The following NBEA variants were observed in gnomAD, a reference collection of about 807,000 sequenced individuals.
The protein encoded by NBEA is lysosomal-trafficking regulator 2.
Under a neutral mutation model 343.4 loss-of-function variants are expected in NBEA, and 44 were observed. That is an observed-to-expected ratio of 0.13 (90% CI 0.10 to 0.16). The LOEUF (loss-of-function observed/expected upper bound fraction) is 0.16. Among genes scored for constraint, NBEA ranks in the 10% least tolerant of loss-of-function variants. NBEA has a pLI of 1.00. For synonymous variants in NBEA, 1,175 were observed against 1,238.7 expected, an observed-to-expected ratio of 0.95 and a Z score of 1.08; for missense variants, 2,555 against 3,631.3, an observed-to-expected ratio of 0.70 and a Z score of 7.62.
rs2032251900 is a variant in NBEA, at chr13:35,253,750, T to G, written c.5776+21131T>G. ...ATTGGTTTCAGCAGAGACCATGTAGTTCACAAAGCCTAAAATATTTACTAT... is the reference window on the plus strand; with the variant it reads ...ATTGGTTTCAGCAGAGACCATGTAGGTCACAAAGCCTAAAATATTTACTAT... On this transcript the variant is annotated intron_variant, in intron 34 of 58. Coordinates refer to ENST00000379939, the MANE Select transcript of NBEA (RefSeq NM_001385012.1). Among the ~76,000 whole-genome samples the G allele has an allele frequency of 2.0e-5, 3 of 152,162 alleles. No homozygotes were observed. The South Asian group carries it at 6.2e-4, about 31-fold the overall frequency.
At chr13:35,143,487 G>C (rs953729003) in intron 18 of NBEA, among the ~76,000 whole-genome samples, 1 of 152,104 alleles carries the variant, frequency 6.6e-6, no homozygotes, top group Non-Finnish European at 1.5e-5. Flanking sequence ...AGATTATTTT[G>C]TTATAGATTT....
At chr13:35,541,248 C>T (rs1051042583) in intron 41 of NBEA, among the ~76,000 whole-genome samples, 5 of 151,500 alleles carry the variant, frequency 3.3e-5, no homozygotes, top group African/African-American at 1.2e-4. Flanking sequence ...GTTGTTCCTT[C>T]TGCTTGGTAC....
At chr13:35,401,143 A>G (rs2042985814) in intron 38 of NBEA, among the ~76,000 whole-genome samples, 1 of 151,998 alleles carries the variant, frequency 6.6e-6, no homozygotes, top group African/African-American at 2.4e-5. Context: ...ACTCCTTACT[A>G]ATATTTATTG....
In NBEA at chr13:35,048,505, T is replaced by C. The variant is rs143077972; in HGVS notation, c.724-58T>C. 2,405 of 1,510,006 alleles carry C rather than the reference T, an allele frequency of 1.6e-3. 5 individuals carry two copies. Among genetic ancestry groups the C allele is most frequent in the Admixed American group, 2.2e-3 (109 of 49,056 alleles). 93.5% of individuals were successfully genotyped at this position (1,510,006 alleles called of 1,614,324 possible). On this transcript the variant is annotated intron_variant, in intron 4 of 58. Coordinates refer to ENST00000379939, the MANE Select transcript of NBEA (RefSeq NM_001385012.1). ...AATCTGCAAAAGCCATATTTGACCT[T>C]AGCTACTATCACATTTCTTTAACTG...
chr13:35,465,087 G>C (rs998474452), intron 40 of NBEA, among the ~76,000 whole-genome samples: 1 of 151,840 alleles, frequency 6.6e-6, no homozygotes, highest in African/African-American at 2.4e-5. Context: ...ACTCTCATTG[G>C]TTTTCAGTAT....
chr13:35,634,225 C>T (rs2153069096), intron 49 of NBEA, among the ~76,000 whole-genome samples: 1 of 152,200 alleles, frequency 6.6e-6, no homozygotes, highest in South Asian at 2.1e-4. Context: ...CACCTGTAGT[C>T]CCAGCTACTC....
At chr13:35,443,294 G>A (rs2045838512) in intron 39 of NBEA, among the ~76,000 whole-genome samples, 1 of 152,130 alleles carries the variant, frequency 6.6e-6, no homozygotes, top group African/African-American at 2.4e-5. Context: ...TGACTTTTAT[G>A]TAATATAGTC....
At chr13:34,954,942 C>T (rs1005872428) in intron 1 of NBEA, among the ~76,000 whole-genome samples, 1 of 152,092 alleles carries the variant, frequency 6.6e-6, no homozygotes, top group Non-Finnish European at 1.5e-5. Context: ...ACTGTAAATA[C>T]ATGGTTTATA....
intron 30 of NBEA, among the ~76,000 whole-genome samples, chr13:35,184,548 T>C (rs1260706439): frequency 2.0e-5 from 3 of 151,720 alleles, no homozygotes; most frequent in South Asian, 4.1e-4. Flanking sequence ...CAACAAAAAT[T>C]ATTAAACATG....
intron 36 of NBEA, among the ~76,000 whole-genome samples, chr13:35,319,792 A>G (rs1406675958): frequency 6.6e-6 from 1 of 152,114 alleles, no homozygotes; most frequent in Admixed American, 6.5e-5. Flanking sequence ...GGGTGCATAT[A>G]TGTTTAGGAT....
chr13:35,270,233 C>T (rs2152803856), intron 34 of NBEA, among the ~76,000 whole-genome samples: 1 of 152,274 alleles, frequency 6.6e-6, no homozygotes, highest in South Asian at 2.1e-4. Context: ...AAATTATACT[C>T]TTTTGTCATA....
At chr13:35,374,521 T>C (rs2244940) in intron 38 of NBEA, among the ~76,000 whole-genome samples, 44,323 of 152,036 alleles carry the variant, frequency 0.29, 8,314 homozygotes, top group African/African-American at 0.54. Flanking sequence ...AATACAGTTA[T>C]CTGTGAAGTA....
chr13:35,358,666 C>G (rs888075193), intron 38 of NBEA, among the ~76,000 whole-genome samples: 1 of 151,442 alleles, frequency 6.6e-6, no homozygotes, highest in African/African-American at 2.4e-5. Flanking sequence ...TGCAGTGAGC[C>G]GAGATTGTGC....
At chr13:35,553,418 G>T (rs1357662303) in intron 43 of NBEA, among the ~76,000 whole-genome samples, 1 of 152,006 alleles carries the variant, frequency 6.6e-6, no homozygotes, top group African/African-American at 2.4e-5. Context: ...TGGCAATGGG[G>T]AAACACTGCA....
intron 38 of NBEA, among the ~76,000 whole-genome samples, chr13:35,388,941 C>T (rs754112102): frequency 6.7e-6 from 1 of 148,708 alleles, no homozygotes; most frequent in Non-Finnish European, 1.5e-5. Flanking sequence ...TTGTGGAAAC[C>T]CCTACCTATA....
intron 1 of NBEA, among the ~76,000 whole-genome samples, chr13:35,025,930 CTATTCT>C (rs1285251222): frequency 2.0e-5 from 3 of 152,000 alleles, no homozygotes; most frequent in Non-Finnish European, 4.4e-5. Context: ...CTCCTTATTC[CTATTCT>C]AAGTGAACAA....
At chr13:35,448,876 C>T (rs2046168712) in intron 39 of NBEA, among the ~76,000 whole-genome samples, 1 of 152,134 alleles carries the variant, frequency 6.6e-6, no homozygotes, top group Non-Finnish European at 1.5e-5. Flanking sequence ...TAGTAGGTAA[C>T]ACCTATACAG....
intron 34 of NBEA, among the ~76,000 whole-genome samples, chr13:35,261,369 G>A (rs57739353): frequency 0.041 from 6,283 of 152,074 alleles, 404 homozygotes; most frequent in African/African-American, 0.14. Context: ...AAAATTAGCT[G>A]GACATGGTAG....
At chr13:35,390,423 G>C (rs2042446154) in intron 38 of NBEA, among the ~76,000 whole-genome samples, 1 of 152,112 alleles carries the variant, frequency 6.6e-6, no homozygotes, top group Non-Finnish European at 1.5e-5. Flanking sequence ...CAGTAAACTA[G>C]ATATTCCTGT....
Sources: allele counts gnomAD v4.1 joint callset (sites outside exome capture counted in the v4.1 genomes callset), GRCh38; gene constraint gnomAD v4.1.1; transcripts MANE v1.5; gene names NCBI Gene and HGNC (gene_info 2026-07-23, HGNC 2026-07-21).